Variants in PCNX2 observed in about 807,000 individuals in gnomAD.
The protein encoded by PCNX2 is pecanex 2.
A neutral mutation model predicts 223.8 loss-of-function variants in PCNX2; 168 were observed. The observed-to-expected ratio is 0.75, with a 90% CI of 0.66 to 0.85. The LOEUF (loss-of-function observed/expected upper bound fraction) is 0.85. Among genes scored for constraint, PCNX2 ranks in the 40% least tolerant of loss-of-function variants. PCNX2 has a pLI of 0.00. For missense variants in PCNX2, 2,507 were observed against 2,675.5 expected (o/e 0.94, Z 1.39); for synonymous variants, 1,006 against 1,052.6 (o/e 0.96, Z 0.86).
intron 5 of PCNX2, among the ~76,000 whole-genome samples, chr1:233,254,076 A>G (rs1659596719): frequency 6.6e-6 from 1 of 152,238 alleles, no homozygotes; most frequent in Non-Finnish European, 1.5e-5. Flanking sequence ...TCAGAAAGCA[A>G]AACTGTGTTA....
At chr1:233,179,223 T>C (rs376597139) in intron 15 of PCNX2, 48 bp from the exon 16 acceptor site, 113 of 1,565,210 alleles carry the variant, frequency 7.2e-5, no homozygotes, top group African/African-American at 4.2e-4. Flanking sequence ...GCTGTGTGAA[T>C]AGCAGGATCT....
At chr1:233,079,534 A>AC (rs1401083319) in intron 23 of PCNX2, among the ~76,000 whole-genome samples, 1 of 152,016 alleles carries the variant, frequency 6.6e-6, no homozygotes, top group African/African-American at 2.4e-5. Context: ...TCTCAAAAAA[A>AC]AAAAAAAAAA....
chr1:233,160,307 CTTTGTT>C lies in PCNX2; in HGVS notation c.3487_3492del (p.Asn1163_Lys1164del). ...CCTCTCACTTCCCGTTGATGATACT[CTTTGTT>C]TTTGAGAATGGGGTGTGAAATCCAC... is the stretch of plus-strand genomic sequence containing the variant. On this transcript the variant is annotated inframe_deletion, in exon 19 of 34. Coordinates refer to ENST00000258229, the MANE Select transcript of PCNX2 (RefSeq NM_014801.4). 6.2e-7 allele frequency: 1 copy of C among 1,609,812 alleles called. No homozygotes were observed. The highest frequency in any genetic ancestry group is 1.3e-5 in the African/African-American group (1 of 74,220).
At chr1:233,217,642 C>T (rs1657050291) in intron 12 of PCNX2, among the ~76,000 whole-genome samples, 1 of 152,060 alleles carries the variant, frequency 6.6e-6, no homozygotes, top group Non-Finnish European at 1.5e-5. Context: ...GACTTGAATC[C>T]AGTGGGATAG....
rs1678235798 is a variant in PCNX2 at position 233,158,051 on chromosome 1, ACACT to A, written c.3517+2228_3517+2231del. On this transcript the variant is annotated intron_variant, in intron 19 of 33. Transcript: ENST00000258229. The stretch of plus-strand genomic sequence containing the variant: ...GAGAGGGGAAGTCAGAAACACAAAC[ACACT>A]CACTTTACTTGTTCTTGAATCTTGT... Among the ~76,000 whole-genome samples, 4 of 152,274 alleles carry A rather than the reference ACACT, an allele frequency of 2.6e-5. No homozygotes were observed. The South Asian group carries it at 8.3e-4, about 32-fold the overall frequency.
chr1:233,206,198 G>A (rs568985049), intron 13 of PCNX2, among the ~76,000 whole-genome samples: 1 of 152,228 alleles, frequency 6.6e-6, no homozygotes, highest in South Asian at 2.1e-4. Flanking sequence ...GATGGCTGGG[G>A]GTACCCAAGA....
intron 9 of PCNX2, among the ~76,000 whole-genome samples, chr1:233,232,261 A>G (rs1406187694): frequency 6.6e-6 from 1 of 152,242 alleles, no homozygotes; most frequent in Non-Finnish European, 1.5e-5. Context: ...ATAAGCATTC[A>G]GTAGAACATC....
At position 233,235,958 on chromosome 1, in the gene PCNX2, ATATATATAT is replaced by A. The variant is rs1207063226; in HGVS notation, c.2358+878_2358+886del. ...TGTGGCAAAGCAATCATAAAAAAAA[ATATATATAT>A]ATATATATATATATATATAATTATA... is the stretch of plus-strand genomic sequence containing the variant. On this transcript the variant is annotated intron_variant, in intron 9 of 33. Transcript: ENST00000258229. Among the ~76,000 whole-genome samples the A allele has an allele frequency of 3.6e-4, 7 of 19,380 alleles. 1 individual carries two copies. The East Asian group carries it at 8.5e-3, about 23-fold the overall frequency. 12.7% of individuals were successfully genotyped at this position (19,380 alleles called of 152,430 possible). A position where few individuals can be genotyped will look rare whatever the true frequency, so the allele number is the denominator to read the frequency against.
In PCNX2 at chr1:233,258,436, C is replaced by A. The variant is rs374824950; in HGVS notation, c.1426G>T (p.Gly476Ter). 1.9e-6 allele frequency: 3 copies of A among 1,613,770 alleles called. No individual in the cohort carries two copies. The highest frequency in any genetic ancestry group is 1.6e-4 in the Middle Eastern group (1 of 6,084). Residue 476 changes from glycine to a stop codon, truncating the protein, a stop_gained, in exon 5 of 34, where the codon GGA (glycine) becomes TGA (stop). Transcript: ENST00000258229. LOFTEE classifies it high-confidence loss of function. Reference sequence around the variant, plus strand: ...GAACTGTGATCCTTGATGGCATTTCCCCCCTCCCCAGATCCGTAGCCAGAA... The same window carrying A: ...GAACTGTGATCCTTGATGGCATTTCACCCCTCCCCAGATCCGTAGCCAGAA... ...QCSGYGSGEG[G>*]NAIKDHSSSS...
intron 19 of PCNX2, among the ~76,000 whole-genome samples, chr1:233,149,073 A>G (rs1298351296): frequency 1.3e-5 from 2 of 152,222 alleles, no homozygotes; most frequent in Admixed American, 6.5e-5. Context: ...AAAGTCTGCA[A>G]TGATATTTTG....
At chr1:233,273,043 G>A (rs1159100186) in intron 1 of PCNX2, among the ~76,000 whole-genome samples, 2 of 151,516 alleles carry the variant, frequency 1.3e-5, no homozygotes, top group Non-Finnish European at 2.9e-5. Context: ...ATTGGGTATA[G>A]TGTATACTGC....
Position 233,295,283 on chromosome 1 carries a change from C to G in PCNX2, c.153+43G>C. 1 of 1,561,686 alleles carries G rather than the reference C, an allele frequency of 6.4e-7. No homozygotes were observed. ...TCTGTGGTTCCTTTCTCCTTCTTCC[C>G]TCCATACCCACAGCTCCCCGGGACC... On this transcript the variant is annotated intron_variant, in intron 1 of 33. Transcript: ENST00000258229. The surrounding 1 kb of genome is among the most constrained non-coding windows in gnomAD (Gnocchi z 4.1).
In PCNX2 at chr1:232,986,096, G is replaced by A; in HGVS notation, c.6236C>T (p.Thr2079Ile). ...GAGCCCTGCCCAGCCCCTTACCCGA[G>A]TGGCCTGGCTGGCAGCCCTGGCTGA... ...GPSARAASQA[T>I]RHLSEPCEPP... The change falls in exon 33 of 34, where the codon ACT becomes ATT. Residue 2079 changes from threonine to isoleucine, a missense_variant. Thr to Ile is a moderately conservative substitution (Grantham distance 89). Coordinates refer to ENST00000258229, the MANE Select transcript of PCNX2 (RefSeq NM_014801.4). The A allele has an allele frequency of 6.4e-7, 1 of 1,560,152 alleles. No individual in the cohort carries two copies. Among genetic ancestry groups the A allele is most frequent in the Non-Finnish European group, 8.7e-7 (1 of 1,151,424 alleles).
At chr1:233,007,435 C>A (rs1219751368) in intron 28 of PCNX2, among the ~76,000 whole-genome samples, 1 of 152,194 alleles carries the variant, frequency 6.6e-6, no homozygotes, top group Non-Finnish European at 1.5e-5. Flanking sequence ...TGATGTCACA[C>A]TGAAGAAGCA....
intron 10 of PCNX2, among the ~76,000 whole-genome samples, chr1:233,219,862 T>C (rs1044283747): frequency 7.9e-5 from 12 of 152,148 alleles, no homozygotes; most frequent in African/African-American, 2.9e-4. Flanking sequence ...TTTTGACAAA[T>C]GTATAATGAC....
At chr1:233,214,710 C>G (rs146376415) in intron 12 of PCNX2, among the ~76,000 whole-genome samples, 30 of 152,248 alleles carry the variant, frequency 2.0e-4, no homozygotes, top group African/African-American at 7.2e-4. Flanking sequence ...CATCTCTGAT[C>G]CTCAAATTGC....
rs1365387631 is a variant in PCNX2, at chr1:233,258,323, G to A, written c.1539C>T (p.Asn513=). ...ESKVGKEGQT[N]LDPSSCKSSH... ...TGGACTTACAAGACGATGGGTCAAG[G>A]TTAGTCTGGCCTTCCTTCCCCACCT... Residue 513 remains asparagine, a synonymous_variant, in exon 5 of 34, where the codon AAC becomes AAT. Transcript: ENST00000258229. 6.2e-7 allele frequency: 1 copy of A among 1,613,884 alleles called. No homozygotes were observed. Among genetic ancestry groups the A allele is most frequent in the African/African-American group, 1.3e-5 (1 of 74,922 alleles).
At chr1:233,146,343 T>C (rs1249010599) in intron 19 of PCNX2, among the ~76,000 whole-genome samples, 1 of 152,204 alleles carries the variant, frequency 6.6e-6, no homozygotes, top group Non-Finnish European at 1.5e-5. Flanking sequence ...GAATTCTGGA[T>C]AATTACATTT....
chr1:233,290,596 G>T, intron 1 of PCNX2: 1 of 370,010 alleles, frequency 2.7e-6, no homozygotes, highest in Non-Finnish European at 3.7e-6. Context: ...AACGGCTGCA[G>T]ACTGTCATAG....
Sources: allele counts gnomAD v4.1 joint callset (sites outside exome capture counted in the v4.1 genomes callset), GRCh38; gene constraint gnomAD v4.1.1; non-coding constraint Gnocchi (gnomAD v3.1); transcripts MANE v1.5; gene names NCBI Gene and HGNC (gene_info 2026-07-23, HGNC 2026-07-21).